CAPSL: variants seen among roughly 807,000 people sequenced by gnomAD.
CAPSL encodes calcyphosine like, also known as calcyphosin-like protein.
In CAPSL, 17 loss-of-function variants were observed where a neutral mutation model predicts 21.3. The ratio of observed to expected loss-of-function variants is 0.80; its 90% confidence interval spans 0.55 to 1.20. CAPSL has a LOEUF of 1.20. Among genes scored for constraint, CAPSL ranks in the 50% most tolerant of loss-of-function variants. CAPSL has a pLI of 0.00. For missense variants in CAPSL, 289 were observed against 259.3 expected (o/e 1.11, Z -0.79); for synonymous variants, 102 against 89.3 (o/e 1.14, Z -0.80).
At chr5:35,934,016 A>G (rs1738883129) in intron 1 of CAPSL, among the ~76,000 whole-genome samples, 1 of 152,218 alleles carries the variant, frequency 6.6e-6, no homozygotes, top group African/African-American at 2.4e-5. Context: ...TCTACAGTTC[A>G]GTGTCTTGTA....
At chr5:35,914,570 C>T (rs1192707748) in intron 2 of CAPSL, among the ~76,000 whole-genome samples, 1 of 152,136 alleles carries the variant, frequency 6.6e-6, no homozygotes, top group Non-Finnish European at 1.5e-5. Flanking sequence ...CAAAACCTCT[C>T]AACTACATGG....
At chr5:35,927,247 T>C (rs964294941) in intron 1 of CAPSL, among the ~76,000 whole-genome samples, 15 of 152,174 alleles carry the variant, frequency 9.9e-5, no homozygotes, top group African/African-American at 3.6e-4. Context: ...CCGTCTGCAG[T>C]CCAATTGTTC....
chr5:35,937,648 A>G (rs893568839), intron 1 of CAPSL, among the ~76,000 whole-genome samples: 3 of 152,206 alleles, frequency 2.0e-5, no homozygotes, highest in African/African-American at 7.2e-5. Context: ...TGCATTTACT[A>G]TCACCATATC....
chr5:35,910,298 C>T lies in CAPSL; in HGVS notation c.315+68G>A, dbSNP rs144015948. The T allele has an allele frequency of 1.8e-4, 282 of 1,528,474 alleles. No individual in the cohort carries two copies. In the East Asian group the frequency reaches 6.3e-3, roughly 34 times the overall value. The allele number at this position is 1,528,474 out of a possible 1,614,324, so 94.7% of individuals were successfully genotyped here. On this transcript the variant is annotated intron_variant, in intron 3 of 4. Transcript: ENST00000651391. ...CTAACAACTTGTAAAAACAAAACCTCAAGGTAGCCAACCCAAACCACGTGA... is the reference window on the plus strand; with the variant it reads ...CTAACAACTTGTAAAAACAAAACCTTAAGGTAGCCAACCCAAACCACGTGA...
At chr5:35,919,811 G>A (rs985090795) in intron 2 of CAPSL, among the ~76,000 whole-genome samples, 17 of 152,166 alleles carry the variant, frequency 1.1e-4, no homozygotes, top group African/African-American at 3.4e-4. Context: ...GGTGTCCATT[G>A]ACTGTAGACT....
At chr5:35,911,166 T>C (rs1738211839) in intron 2 of CAPSL, among the ~76,000 whole-genome samples, 1 of 152,230 alleles carries the variant, frequency 6.6e-6, no homozygotes, top group African/African-American at 2.4e-5. Context: ...GACAAATTTC[T>C]CTTGCAGAAA....
intron 2 of CAPSL, among the ~76,000 whole-genome samples, chr5:35,915,942 A>G (rs1489932862): frequency 6.6e-6 from 1 of 152,200 alleles, no homozygotes; most frequent in Non-Finnish European, 1.5e-5. Flanking sequence ...TGCAGATGAC[A>G]TGATTGTATA....
At chr5:35,906,765 C>T (rs1760687741) in intron 4 of CAPSL, among the ~76,000 whole-genome samples, 1 of 152,168 alleles carries the variant, frequency 6.6e-6, no homozygotes, top group Non-Finnish European at 1.5e-5. Context: ...ATCCCAAACT[C>T]CCCCAGTGGG....
chr5:35,910,361 C>T lies in CAPSL; in HGVS notation c.315+5G>A. On this transcript the variant is annotated splice_donor_5th_base_variant and intron_variant, in intron 3 of 4. Coordinates refer to ENST00000651391, the MANE Select transcript of CAPSL (RefSeq NM_001042625.2). ...GCAGATACACTGATTAATGGGGCCA[C>T]TTACTCTTAATGTGAGAAGAAATTC... 6.2e-7 allele frequency: 1 copy of T among 1,612,248 alleles called. No individual in the cohort carries two copies. The highest frequency in any genetic ancestry group is 8.5e-7 in the Non-Finnish European group (1 of 1,179,242).
chr5:35,934,538 G>A (rs963929233), intron 1 of CAPSL, among the ~76,000 whole-genome samples: 7 of 152,230 alleles, frequency 4.6e-5, no homozygotes, highest in African/African-American at 1.7e-4. Context: ...ACCACTGGGA[G>A]GCATCAGTAG....
intron 4 of CAPSL, 47 bp from the exon 5 acceptor site, chr5:35,904,693 C>G: frequency 1.2e-6 from 2 of 1,609,012 alleles, no homozygotes; most frequent in Non-Finnish European, 1.7e-6. Context: ...GCTTCTCACT[C>G]TGTCAATGGG....
intron 2 of CAPSL, among the ~76,000 whole-genome samples, chr5:35,914,452 A>C (rs1738316666): frequency 1.3e-5 from 2 of 152,030 alleles, no homozygotes. Context: ...TGACCACATA[A>C]TTGGAAGTAA....
In CAPSL at chr5:35,904,560, G is replaced by A. The variant is rs138720606; in HGVS notation, c.612C>T (p.Thr204=). ...TDVYFIIMMR[T]AWKL ...GGTCATGTGCTTAAAGCTTCCAGGCGGTTCTCATCATGATGATGAAGTACA... is the reference window on the plus strand; with the variant it reads ...GGTCATGTGCTTAAAGCTTCCAGGCAGTTCTCATCATGATGATGAAGTACA... Residue 204 remains threonine (T), a synonymous_variant, in exon 5 of 5, where the codon ACC becomes ACT. Transcript: ENST00000651391. The A allele has an allele frequency of 4.1e-4, 658 of 1,613,432 alleles. 3 individuals are homozygous for A. The highest frequency in any genetic ancestry group is 8.5e-4 in the African/African-American group (64 of 74,914).
intron 3 of CAPSL, 32 bp from the exon 4 acceptor site, chr5:35,910,107 T>A: frequency 1.9e-6 from 3 of 1,538,482 alleles, no homozygotes; most frequent in Middle Eastern, 3.5e-4. Context: ...TACAGAGACA[T>A]ACATAAGCAA....
At chr5:35,931,354 T>G (rs1162082867) in intron 1 of CAPSL, among the ~76,000 whole-genome samples, 1 of 151,878 alleles carries the variant, frequency 6.6e-6, no homozygotes. Flanking sequence ...TAACAGCCTC[T>G]CCAGCACTTT....
At chr5:35,907,631 A>C (rs1335731569) in intron 4 of CAPSL, among the ~76,000 whole-genome samples, 2 of 152,176 alleles carry the variant, frequency 1.3e-5, no homozygotes, top group African/African-American at 4.8e-5. Context: ...AAATTCCGTG[A>C]CTGCTGAAAC....
chr5:35,913,285 C>A (rs1400500523), intron 2 of CAPSL, among the ~76,000 whole-genome samples: 1 of 152,184 alleles, frequency 6.6e-6, no homozygotes, highest in Non-Finnish European at 1.5e-5. Context: ...AAACACTCAG[C>A]AGGATATTTT....
chr5:35,908,939 C>T (rs1258813432), intron 4 of CAPSL, among the ~76,000 whole-genome samples: 2 of 152,184 alleles, frequency 1.3e-5, no homozygotes, highest in African/African-American at 4.8e-5. Flanking sequence ...TTCTTGTCCA[C>T]TGGGCCACTT....
At chr5:35,932,237 A>G (rs1738842121) in intron 1 of CAPSL, among the ~76,000 whole-genome samples, 1 of 152,194 alleles carries the variant, frequency 6.6e-6, no homozygotes, top group Non-Finnish European at 1.5e-5. Flanking sequence ...CTCATAATAG[A>G]AACAGGTCAT....
Sources: allele counts gnomAD v4.1 joint callset (sites outside exome capture counted in the v4.1 genomes callset), GRCh38; gene constraint gnomAD v4.1.1; transcripts MANE v1.5; gene names NCBI Gene and HGNC (gene_info 2026-07-23, HGNC 2026-07-21).